Variants in RAB30 observed in about 807,000 individuals in gnomAD.
RAB30 encodes ras-related protein Rab-30.
In RAB30, 9 loss-of-function variants were observed where a neutral mutation model predicts 25.1. That is an observed-to-expected ratio of 0.36 (90% CI 0.22 to 0.63). The LOEUF (loss-of-function observed/expected upper bound fraction) is 0.63, where lower values mean the gene tolerates loss of function less well. Ranked by LOEUF, RAB30 falls within the 20% of genes least tolerant of loss-of-function variation. The probability of loss-of-function intolerance (pLI) is 0.69; values close to 1 mark genes in which losing one functional copy is unlikely to be tolerated. For synonymous variants in RAB30, 77 were observed against 86.4 expected, an observed-to-expected ratio of 0.89 and a Z score of 0.60; for missense variants, 140 against 243.5, an observed-to-expected ratio of 0.58 and a Z score of 2.83.
chr11:83,000,652 A>C (rs1857057864), intron 1 of RAB30, among the ~76,000 whole-genome samples: 2 of 152,216 alleles, frequency 1.3e-5, no homozygotes, highest in South Asian at 4.1e-4. Context: ...AAAGAACCAA[A>C]GCAGGAAATC....
chr11:83,061,693 AT>A (rs1479642199), intron 1 of RAB30, among the ~76,000 whole-genome samples: 1 of 98,406 alleles, frequency 1.0e-5, no homozygotes, highest in Admixed American at 1.0e-4. Flanking sequence ...TTTAGGTGGG[AT>A]TTTTTTCTTT....
intron 2 of RAB30, among the ~76,000 whole-genome samples, chr11:82,995,429 G>T (rs984322871): frequency 2.6e-5 from 4 of 152,154 alleles, no homozygotes; most frequent in Non-Finnish European, 5.9e-5. Context: ...CTCAACAAAT[G>T]CCAAGAAGTT....
chr11:82,991,549 A>C (rs1856851815), intron 3 of RAB30, among the ~76,000 whole-genome samples: 1 of 151,064 alleles, frequency 6.6e-6, no homozygotes, highest in South Asian at 2.1e-4. Flanking sequence ...TAAGACAACT[A>C]TGCAGTTCTG....
At chr11:82,997,384 A>C in intron 1 of RAB30, 60 bp from the exon 2 acceptor site, 67 of 1,184,378 alleles carry the variant, frequency 5.7e-5, no homozygotes, top group Non-Finnish European at 7.2e-5. Flanking sequence ...CACAGAGCTC[A>C]AGCTGCACCA....
At chr11:83,036,191 G>C (rs1164905557) in intron 1 of RAB30, among the ~76,000 whole-genome samples, 3 of 149,880 alleles carry the variant, frequency 2.0e-5, no homozygotes, top group Non-Finnish European at 3.0e-5. Flanking sequence ...TTTTGAGATG[G>C]AGTCTCACTC....
rs1279412036 is a variant in RAB30, at chr11:82,981,453, C to A, written c.*712G>T. On this transcript the variant is annotated 3_prime_UTR_variant, in exon 5 of 5. Transcript: ENST00000527633. ...AGAAAGAGTGCTGATTCATGGACTT[C>A]CCCCATTTTTTTATTTCTATATAAC... The A allele has an allele frequency of 6.6e-6, 1 of 152,260 alleles. No individual in the cohort carries two copies. The highest frequency in any genetic ancestry group is 1.5e-5 in the Non-Finnish European group (1 of 67,992). 9.4% of individuals were successfully genotyped at this position (152,260 alleles called of 1,614,324 possible).
intron 1 of RAB30, among the ~76,000 whole-genome samples, chr11:83,009,770 C>CT (rs1174712988): frequency 6.6e-6 from 1 of 152,156 alleles, no homozygotes; most frequent in Non-Finnish European, 1.5e-5. Context: ...AGAGGCACAA[C>CT]TTTCCTCAAT....
At chr11:83,015,967 A>C (rs546721735) in intron 1 of RAB30, among the ~76,000 whole-genome samples, 13 of 152,152 alleles carry the variant, frequency 8.5e-5, no homozygotes, top group African/African-American at 2.9e-4. Context: ...ACGAAACCCT[A>C]TCTCTACAAA....
In RAB30 at chr11:82,981,833, C is replaced by G. The variant is rs546810610; in HGVS notation, c.*332G>C. ...GCACCCACTGATGTGCAGGAGGGAT[C>G]CCTACAGTACATTTCCCCCCGGACT... On this transcript the variant is annotated 3_prime_UTR_variant, in exon 5 of 5. Transcript: ENST00000527633. The G allele has an allele frequency of 7.2e-5, 19 of 263,246 alleles. No individual in the cohort carries two copies. Among genetic ancestry groups the G allele is most frequent in the African/African-American group, 4.2e-4 (19 of 45,380 alleles). 16.3% of individuals were successfully genotyped at this position (263,246 alleles called of 1,614,324 possible).
At chr11:83,008,080 G>C (rs189057599) in intron 1 of RAB30, among the ~76,000 whole-genome samples, 2 of 152,118 alleles carry the variant, frequency 1.3e-5, no homozygotes, top group East Asian at 3.9e-4. Context: ...GCTTCCCTGC[G>C]CCTGCTTGGC....
intron 1 of RAB30, among the ~76,000 whole-genome samples, chr11:83,047,062 A>G (rs1858250369): frequency 6.6e-6 from 1 of 152,182 alleles, no homozygotes; most frequent in Non-Finnish European, 1.5e-5. Flanking sequence ...CAGGAACTCA[A>G]CTACAATTTG....
chr11:82,996,514 A>G (rs1167633328), intron 2 of RAB30, among the ~76,000 whole-genome samples: 2 of 152,230 alleles, frequency 1.3e-5, no homozygotes, highest in African/African-American at 4.8e-5. Context: ...AAAGGGTATC[A>G]TTCATATTTT....
rs569165543 is a variant in RAB30 at position 82,974,671 on chromosome 11, T to G, written c.*7494A>C. 3.9e-5 allele frequency: 6 copies of G among 152,272 alleles called. No individual in the cohort carries two copies. In the East Asian group the frequency reaches 1.2e-3, roughly 29 times the overall value. The allele number at this position is 152,272 out of a possible 1,614,324, so 9.4% of individuals were successfully genotyped here. A position where few individuals can be genotyped will look rare whatever the true frequency, so the allele number is the denominator to read the frequency against. On this transcript the variant is annotated 3_prime_UTR_variant, in exon 5 of 5. Coordinates refer to ENST00000527633, the MANE Select transcript of RAB30 (RefSeq NM_001286060.2). The stretch of plus-strand genomic sequence containing the variant: ...TTATTAGTTAAAACTATGTATGTAT[T>G]AATATTAAAGATCCATGTTTCAATG...
intron 4 of RAB30, among the ~76,000 whole-genome samples, chr11:82,984,297 T>C (rs1191426281): frequency 6.6e-6 from 1 of 152,172 alleles, no homozygotes; most frequent in Non-Finnish European, 1.5e-5. Flanking sequence ...GAAGTTATGA[T>C]TGTGGAGTTG....
intron 1 of RAB30, among the ~76,000 whole-genome samples, chr11:83,007,869 A>T (rs917023208): frequency 6.6e-6 from 1 of 152,148 alleles, no homozygotes; most frequent in African/African-American, 2.4e-5. Context: ...TCTGCAAAAC[A>T]TGTTTGTTAA....
intron 1 of RAB30, among the ~76,000 whole-genome samples, chr11:83,038,078 G>C (rs1858025634): frequency 6.6e-6 from 1 of 152,160 alleles, no homozygotes; most frequent in South Asian, 2.1e-4. Flanking sequence ...TCCTTGACTG[G>C]AGGGTTAGAG....
chr11:83,041,773 C>T (rs563483893), intron 1 of RAB30, among the ~76,000 whole-genome samples: 1 of 152,080 alleles, frequency 6.6e-6, no homozygotes, highest in African/African-American at 2.4e-5. Flanking sequence ...TGTGCAGTGG[C>T]TCATGCCTAT....
At chr11:82,992,266 C>G in intron 3 of RAB30, 2 of 456,018 alleles carry the variant, frequency 4.4e-6, no homozygotes, top group Non-Finnish European at 8.8e-6. Context: ...TCCCACCCCC[C>G]ACACTATTTT....
chr11:83,053,484 AT>A (rs1256438208), intron 1 of RAB30, among the ~76,000 whole-genome samples: 1 of 152,196 alleles, frequency 6.6e-6, no homozygotes, highest in African/African-American at 2.4e-5. Flanking sequence ...AGAAAATCAC[AT>A]ATATTACCCA....
Sources: allele counts gnomAD v4.1 joint callset (sites outside exome capture counted in the v4.1 genomes callset), GRCh38; gene constraint gnomAD v4.1.1; transcripts MANE v1.5; gene names NCBI Gene and HGNC (gene_info 2026-07-23, HGNC 2026-07-21).